The following GRHL3 variants were observed in gnomAD, a reference collection of about 807,000 sequenced individuals.
GRHL3 encodes the protein grainyhead-like protein 3 homolog.
GRHL3 carries 20 observed loss-of-function variants against 70.3 expected under a neutral mutation model. The ratio of observed to expected loss-of-function variants is 0.28; its 90% CI spans 0.20 to 0.41. The LOEUF is 0.41. GRHL3 is among the 10% of genes least tolerant of loss of function. The pLI is 1.00. For missense variants in GRHL3, 637 were observed against 762.3 expected, an observed-to-expected ratio of 0.84 and a Z score of 1.94; for synonymous variants, 299 against 299.9, an observed-to-expected ratio of 1.00 and a Z score of 0.03.
At chr1:24,336,433 C>A (rs1557696387) in intron 3 of GRHL3, 49 bp from the exon 4 acceptor site, 1 of 1,322,838 alleles carries the variant, frequency 7.6e-7, no homozygotes, top group Non-Finnish European at 1.0e-6. Context: ...CAAAGACCCC[C>A]CTTTACCCCC....
rs1640514906 is a variant in GRHL3, at chr1:24,351,667, G to A, written c.1694+1545G>A. ...AGGCCAGGCTGTGTGATTGCATGGGGGGGTGGGAGGGTGGGGTGTGTGTAC... is the reference window on the plus strand; with the variant it reads ...AGGCCAGGCTGTGTGATTGCATGGGAGGGTGGGAGGGTGGGGTGTGTGTAC... On this transcript the variant is annotated intron_variant, in intron 15 of 15. Transcript: ENST00000361548. Among the ~76,000 whole-genome samples the A allele has an allele frequency of 4.6e-5, 7 of 152,014 alleles. No homozygotes were observed. In the South Asian group the frequency reaches 1.5e-3, roughly 32 times the overall value.
At chr1:24,328,514 T>C (rs1639476774) in intron 1 of GRHL3, among the ~76,000 whole-genome samples, 1 of 152,234 alleles carries the variant, frequency 6.6e-6, no homozygotes, top group Non-Finnish European at 1.5e-5. Flanking sequence ...ATAGCAGACA[T>C]TGTCTGTTCT....
chr1:24,360,920 TA>T (rs1557428094), intron 15 of GRHL3: 1 of 1,613,986 alleles, frequency 6.2e-7, no homozygotes, highest in Non-Finnish European at 8.5e-7. Flanking sequence ...AATGATGCAC[TA>T]GAGATGAAAT....
chr1:24,347,315 T>C (rs1341533976), intron 13 of GRHL3, among the ~76,000 whole-genome samples, 153 bp from the exon 14 acceptor site: 2 of 152,154 alleles, frequency 1.3e-5, no homozygotes, highest in Non-Finnish European at 2.9e-5. Flanking sequence ...AGAGGGTGCA[T>C]GGGAATCTGC....
At chr1:24,339,980 G>A (rs898553373) in intron 8 of GRHL3, among the ~76,000 whole-genome samples, 1 of 152,178 alleles carries the variant, frequency 6.6e-6, no homozygotes, top group Non-Finnish European at 1.5e-5. Flanking sequence ...GTGTGACTTT[G>A]GACCAGTGCC....
chr1:24,342,816 G>C lies in GRHL3; in HGVS notation c.1285+44G>C. 6.2e-7 allele frequency: 1 copy of C among 1,613,852 alleles called. No homozygotes were observed. The highest frequency in any genetic ancestry group is 1.1e-5 in the South Asian group (1 of 91,076). ...CCTGGGTGGGCTCGGCTGGCGTGAAGGGGAGAAGGAGACCAGAGGTGGGAG... is the reference window on the plus strand; with the variant it reads ...CCTGGGTGGGCTCGGCTGGCGTGAACGGGAGAAGGAGACCAGAGGTGGGAG... On this transcript the variant is annotated intron_variant, in intron 10 of 15. Coordinates refer to ENST00000361548, the MANE Select transcript of GRHL3 (RefSeq NM_198173.3). This position sits in a 1 kb window ranked among gnomAD's most constrained non-coding sequence, Gnocchi z 4.8.
At chr1:24,331,158 G>A (rs1639590402) in intron 1 of GRHL3, among the ~76,000 whole-genome samples, 2 of 152,226 alleles carry the variant, frequency 1.3e-5, no homozygotes, top group Admixed American at 6.5e-5. Context: ...CCACTCTGTA[G>A]TCTTGAAGAT....
chr1:24,358,548 G>A (rs868073747), downstream of GRHL3: 9 of 1,613,286 alleles, frequency 5.6e-6, no homozygotes, highest in Middle Eastern at 1.6e-4. Flanking sequence ...CATCCCTACA[G>A]AACCGGGATC....
Position 24,336,485 on chromosome 1 carries a change from C to T in GRHL3, c.270C>T (p.Tyr90=), listed in dbSNP as rs1316796142. 6.4e-7 allele frequency: 1 copy of T among 1,567,936 alleles called. No individual in the cohort carries two copies. Among genetic ancestry groups the T allele is most frequent in the East Asian group, 2.3e-5 (1 of 44,252 alleles). ...TGGRNDQGKR[Y]YHGMEYETDL... ...AGCCCCTTTTCTTTCTCCCCAGGTA[C>T]TACCATGGCATGGAATATGAGACGG... Residue 90 remains tyrosine (Y), a synonymous_variant, in exon 4 of 16, where the codon TAC becomes TAT. Transcript: ENST00000361548.
Position 24,354,362 on chromosome 1 carries a change from C to G in GRHL3, c.1695-12C>G. The stretch of plus-strand genomic sequence containing the variant: ...CTGCTGTGTTCCAACCACATCCCCT[C>G]TTCCATTCCAGAATCTTAGTCAACA... On this transcript the variant is annotated splice_polypyrimidine_tract_variant and intron_variant, in intron 15 of 15. Transcript: ENST00000361548. 1.3e-6 allele frequency: 2 copies of G among 1,593,534 alleles called. No individual in the cohort carries two copies. The highest frequency in any genetic ancestry group is 1.7e-6 in the Non-Finnish European group (2 of 1,161,336).
chr1:24,360,442 T>C (rs1641030728), intron 15 of GRHL3, among the ~76,000 whole-genome samples: 1 of 152,014 alleles, frequency 6.6e-6, no homozygotes, highest in South Asian at 2.1e-4. Flanking sequence ...CGAGACTCCG[T>C]CTCAAAAAAA....
At chr1:24,325,730 C>T (rs900049398) in intron 1 of GRHL3, among the ~76,000 whole-genome samples, 3 of 152,174 alleles carry the variant, frequency 2.0e-5, no homozygotes, top group Non-Finnish European at 4.4e-5. Flanking sequence ...GGGAAAGGTC[C>T]CATCCCCTCC....
chr1:24,325,868 T>G (rs1043613581), intron 1 of GRHL3, among the ~76,000 whole-genome samples: 1 of 152,198 alleles, frequency 6.6e-6, no homozygotes, highest in Non-Finnish European at 1.5e-5. Flanking sequence ...CTCTCCTAAA[T>G]GGAGGAGAAG....
chr1:24,349,756 GA>G (rs1405988388), intron 14 of GRHL3, among the ~76,000 whole-genome samples: 1 of 152,152 alleles, frequency 6.6e-6, no homozygotes, highest in Non-Finnish European at 1.5e-5. Context: ...TGTGACATAG[GA>G]AGGCTTATAC....
In GRHL3 at chr1:24,322,451, A is replaced by C. The variant is rs1265391267; in HGVS notation, c.17+2883A>C. On this transcript the variant is annotated intron_variant, in intron 1 of 15. Coordinates refer to ENST00000361548, the MANE Select transcript of GRHL3 (RefSeq NM_198173.3). This position sits in a 1 kb window ranked among gnomAD's most constrained non-coding sequence, Gnocchi z 4.4. The stretch of plus-strand genomic sequence containing the variant: ...GTCGAAACCATGATTGCCAGGAGCA[A>C]ATTTTTGTCGTGCACGAGGTGTGTT... 1.3e-5 allele frequency among the ~76,000 whole-genome samples: 2 copies of C among 152,168 alleles called. No homozygotes were observed. Among genetic ancestry groups the C allele is most frequent in the Non-Finnish European group, 2.9e-5 (2 of 68,018 alleles).
rs1472254639 is a variant in GRHL3 at position 24,331,517 on chromosome 1, G to T, written c.109G>T (p.Glu37Ter). ...GGATGAGGCCTGGAAGACGTACCTA[G>T]AAAACCCGTTGACAGCTGCCACAAA... The part of the protein sequence containing the change: ...SEDEAWKTYL[E>*]NPLTAATKAM... The change falls in exon 2 of 16, where the codon GAA becomes TAA. Residue 37 changes from glutamate to a stop codon, truncating the protein, a stop_gained. Transcript: ENST00000361548. LOFTEE classifies it high-confidence loss of function. 6.2e-7 allele frequency: 1 copy of T among 1,614,030 alleles called. No individual in the cohort carries two copies. The highest frequency in any genetic ancestry group is 1.3e-5 in the African/African-American group (1 of 74,906).
chr1:24,334,817 C>T lies in GRHL3; in HGVS notation c.266+111C>T, dbSNP rs948062818. On this transcript the variant is annotated intron_variant, in intron 3 of 15. Coordinates refer to ENST00000361548, the MANE Select transcript of GRHL3 (RefSeq NM_198173.3). This position sits in a 1 kb window ranked among gnomAD's most constrained non-coding sequence, Gnocchi z 4.3. ...GGCACAGGAGGCACAGTGCTGAGGGCCCACAACACATTTTGGGATTCATGA... is the reference window on the plus strand; with the variant it reads ...GGCACAGGAGGCACAGTGCTGAGGGTCCACAACACATTTTGGGATTCATGA... The T allele has an allele frequency of 8.4e-6, 5 of 592,006 alleles. No individual in the cohort carries two copies. Among genetic ancestry groups the T allele is most frequent in the Non-Finnish European group, 1.4e-5 (5 of 346,662 alleles). The allele number at this position is 592,006 out of a possible 1,614,324, so 36.7% of individuals were successfully genotyped here. A position where few individuals can be genotyped will look rare whatever the true frequency, so the allele number is the denominator to read the frequency against.
At chr1:24,349,335 C>T (rs937904352) in intron 14 of GRHL3, among the ~76,000 whole-genome samples, 10 of 152,206 alleles carry the variant, frequency 6.6e-5, no homozygotes, top group East Asian at 1.9e-4. Context: ...GCCTTGGGCG[C>T]GTGGCTTATG....
In GRHL3 at chr1:24,331,622, C is replaced by T. The variant is rs1250536490; in HGVS notation, c.204+10C>T. 13 of 1,608,106 alleles carry T rather than the reference C, an allele frequency of 8.1e-6. No homozygotes were observed. The highest frequency in any genetic ancestry group is 1.1e-5 in the Non-Finnish European group (13 of 1,176,400). On this transcript the variant is annotated intron_variant, in intron 2 of 15. Transcript: ENST00000361548. Reference sequence around the variant, plus strand: ...CTATGATTACTACATGGTACGTCTACCCCCTCTGGACATGCCCCGTTTTGA... The same window carrying T: ...CTATGATTACTACATGGTACGTCTATCCCCTCTGGACATGCCCCGTTTTGA...
Sources: gnomAD v4.1 joint callset for allele counts (sites outside exome capture counted in the v4.1 genomes callset) on GRCh38, gnomAD v4.1.1 for gene constraint, Gnocchi (gnomAD v3.1) non-coding constraint, MANE v1.5 for transcripts, NCBI Gene and HGNC (gene_info 2026-07-23, HGNC 2026-07-21) for gene names.